The following ANKRD44 variants were observed in gnomAD, a reference collection of about 807,000 sequenced individuals.
The protein encoded by ANKRD44 is ankyrin repeat domain 44.
In ANKRD44, 35 loss-of-function variants were observed where a neutral mutation model predicts 116.0. The observed-to-expected ratio is 0.30, with a 90% confidence interval of 0.23 to 0.40. ANKRD44 has a LOEUF of 0.40. Among genes scored for constraint, ANKRD44 ranks in the 10% least tolerant of loss-of-function variants. ANKRD44 has a pLI of 1.00. For synonymous variants in ANKRD44, 435 were observed against 461.8 expected (o/e 0.94, Z 0.74); for missense variants, 1,014 against 1,242.6 (o/e 0.82, Z 2.77).
intron 17 of ANKRD44, chr2:197,016,070 A>G: frequency 2.1e-6 from 1 of 477,030 alleles, no homozygotes; most frequent in South Asian, 1.6e-5. Flanking sequence ...AGTTGTCAGG[A>G]GAGCTGCAGG....
chr2:197,183,205 T>A (rs2080558036), intron 2 of ANKRD44, among the ~76,000 whole-genome samples: 1 of 151,886 alleles, frequency 6.6e-6, no homozygotes, highest in Admixed American at 6.6e-5. Flanking sequence ...AATGGGTGAT[T>A]TACACCAGAG....
chr2:197,092,898 G>A (rs1477368324), intron 10 of ANKRD44, among the ~76,000 whole-genome samples: 1 of 151,666 alleles, frequency 6.6e-6, no homozygotes, highest in East Asian at 1.9e-4. Context: ...CTTATAAAAT[G>A]GCACTTAAAG....
chr2:196,989,736 A>G, intron 27 of ANKRD44, 87 bp from the exon 28 acceptor site: 1 of 1,526,696 alleles, frequency 6.6e-7, no homozygotes, highest in Non-Finnish European at 8.8e-7. Flanking sequence ...TAAATCACCC[A>G]TTTCTACTTT....
chr2:197,143,217 T>C (rs2079413186), intron 3 of ANKRD44, among the ~76,000 whole-genome samples: 1 of 150,332 alleles, frequency 6.7e-6, no homozygotes, highest in Non-Finnish European at 1.5e-5. Flanking sequence ...ATTATTATTA[T>C]ACTTTAAGTT....
chr2:197,100,603 T>C (rs962436022), intron 9 of ANKRD44, among the ~76,000 whole-genome samples: 8 of 152,208 alleles, frequency 5.3e-5, no homozygotes, highest in Non-Finnish European at 1.0e-4. Flanking sequence ...TAATTTTCCC[T>C]GCTGAATTAA....
At position 196,988,083 on chromosome 2, in the gene ANKRD44, T is replaced by C; in HGVS notation, c.*1508A>G. On this transcript the variant is annotated 3_prime_UTR_variant, in exon 28 of 28. Transcript: ENST00000282272. The stretch of plus-strand genomic sequence containing the variant: ...TCTATGAGTAAGAGAGTGGGAAAAG[T>C]CAAAACGCAGCTCCATGGAGATAAC... The C allele has an allele frequency of 1.0e-6, 1 of 985,338 alleles. No homozygotes were observed. Among genetic ancestry groups the C allele is most frequent in the Non-Finnish European group, 1.2e-6 (1 of 829,940 alleles). The allele number at this position is 985,338 out of a possible 1,614,324, so 61.0% of individuals were successfully genotyped here.
At chr2:197,130,677 C>A (rs1365444967) in intron 4 of ANKRD44, among the ~76,000 whole-genome samples, 2 of 152,184 alleles carry the variant, frequency 1.3e-5, no homozygotes, top group Non-Finnish European at 2.9e-5. Flanking sequence ...TACACATGAA[C>A]AACTTTTTAT....
intron 1 of ANKRD44, among the ~76,000 whole-genome samples, chr2:197,283,647 C>T (rs6715690): frequency 0.54 from 82,174 of 151,900 alleles, 23,268 homozygotes; most frequent in East Asian, 0.69. Context: ...ATATACACTT[C>T]AATAATTTAA....
chr2:197,006,583 A>C (rs1008916120), intron 20 of ANKRD44, among the ~76,000 whole-genome samples: 3 of 152,190 alleles, frequency 2.0e-5, no homozygotes, highest in Non-Finnish European at 4.4e-5. Flanking sequence ...TATATATAAG[A>C]ATAGTAATAA....
chr2:197,109,903 CA>C (rs1425731493), intron 9 of ANKRD44, among the ~76,000 whole-genome samples: 1 of 152,044 alleles, frequency 6.6e-6, no homozygotes, highest in Non-Finnish European at 1.5e-5. Flanking sequence ...CCTGATGGTT[CA>C]AGCATACCTT....
chr2:197,073,984 A>G (rs910186555), intron 16 of ANKRD44, among the ~76,000 whole-genome samples: 5 of 151,486 alleles, frequency 3.3e-5, no homozygotes, highest in Non-Finnish European at 7.4e-5. Flanking sequence ...GCCACATTAC[A>G]AAAAAAATGG....
In ANKRD44 at chr2:197,000,422, C is replaced by T. The variant is rs2125897486; in HGVS notation, c.2516G>A (p.Gly839Asp). The T allele has an allele frequency of 7.4e-6, 12 of 1,613,432 alleles. No homozygotes were observed. The highest frequency in any genetic ancestry group is 1.0e-5 in the Non-Finnish European group (12 of 1,179,432). The change falls in exon 23 of 28, where the codon GGC becomes GAC. Residue 839 changes from glycine (G) to aspartate (D), a missense_variant. Transcript: ENST00000282272. ...CATGCTGTTTTAGATTACTTACCTG[C>T]CTTTGTCATCTCTACAACTGACGAT... ...SSIVSCRDDK[G>D]RTPLHAAAFA...
chr2:196,973,712 C>G (rs1481036303), intron 21 of ANKRD44, among the ~76,000 whole-genome samples: 1 of 152,156 alleles, frequency 6.6e-6, no homozygotes, highest in Non-Finnish European at 1.5e-5. Flanking sequence ...CAAATGGCAG[C>G]AAACTATACT....
At chr2:197,015,930 T>C (rs2076383781) in intron 17 of ANKRD44, 2 of 529,362 alleles carry the variant, frequency 3.8e-6, no homozygotes, top group Non-Finnish European at 7.4e-6. Flanking sequence ...AAGGGGGTAG[T>C]TTTGGTGGAA....
intron 1 of ANKRD44, among the ~76,000 whole-genome samples, chr2:197,278,512 A>G (rs1004599459): frequency 3.3e-5 from 5 of 151,878 alleles, no homozygotes; most frequent in South Asian, 2.1e-4. Context: ...ACGCACCACC[A>G]CGCCCGGTTA....
At chr2:197,057,808 T>A (rs1349304721) in intron 16 of ANKRD44, among the ~76,000 whole-genome samples, 2 of 152,194 alleles carry the variant, frequency 1.3e-5, no homozygotes, top group East Asian at 3.8e-4. Context: ...CAGTGAGCTA[T>A]GATTGCTCTA....
At chr2:197,217,532 C>A (rs531692892) in intron 1 of ANKRD44, among the ~76,000 whole-genome samples, 10 of 152,182 alleles carry the variant, frequency 6.6e-5, no homozygotes, top group African/African-American at 2.4e-4. Context: ...GCAAAAATAG[C>A]ACATTCAATT....
chr2:197,108,670 T>A (rs1336802422), intron 9 of ANKRD44, among the ~76,000 whole-genome samples: 1 of 151,868 alleles, frequency 6.6e-6, no homozygotes, highest in African/African-American at 2.4e-5. Context: ...CAAAACCCCA[T>A]CTCTAGTAAA....
At chr2:197,119,880 C>T (rs1452233707) in intron 8 of ANKRD44, among the ~76,000 whole-genome samples, 5 of 152,126 alleles carry the variant, frequency 3.3e-5, no homozygotes, top group Admixed American at 6.5e-5. Context: ...ATGAATGCTG[C>T]GTGATAAGCT....
Sources: gnomAD v4.1 joint callset for allele counts (sites outside exome capture counted in the v4.1 genomes callset) on GRCh38, gnomAD v4.1.1 for gene constraint, MANE v1.5 for transcripts, NCBI Gene and HGNC (gene_info 2026-07-23, HGNC 2026-07-21) for gene names.